ATF7IP2: variants seen among roughly 807,000 people sequenced by gnomAD.
The protein encoded by ATF7IP2 is activating transcription factor 7-interacting protein 2.
ATF7IP2 carries 42 observed loss-of-function variants against 64.2 expected under a neutral mutation model. The observed-to-expected ratio is 0.65, with a 90% CI of 0.51 to 0.85. The LOEUF is 0.85. Ranked by LOEUF, ATF7IP2 falls within the 40% of genes least tolerant of loss-of-function variation. The pLI is 0.00. For synonymous variants in ATF7IP2, 308 were observed against 272.8 expected (o/e 1.13, Z -1.27); for missense variants, 933 against 784.2 (o/e 1.19, Z -2.27).
In ATF7IP2 at chr16:10,473,521, A is replaced by T; in HGVS notation, c.1469A>T (p.Asn490Ile). 1 of 1,570,140 alleles carries T rather than the reference A, an allele frequency of 6.4e-7. No homozygotes were observed. The highest frequency in any genetic ancestry group is 1.1e-5 in the South Asian group (1 of 87,856). Residue 490 changes from asparagine (N) to isoleucine (I), a missense_variant, in exon 11 of 14, where the codon AAT becomes ATT. Transcript: ENST00000562102. ...TCAGGAAATTCTAGCAATTCTCCCAATGCTGAAGTTATGGTGAGTAATAAA... is the reference window on the plus strand; with the variant it reads ...TCAGGAAATTCTAGCAATTCTCCCATTGCTGAAGTTATGGTGAGTAATAAA... ...ITSGNSSNSP[N>I]AEVMAVQKKL...
At chr16:10,408,199 C>T (rs1197013416) in intron 1 of ATF7IP2, among the ~76,000 whole-genome samples, 1 of 152,148 alleles carries the variant, frequency 6.6e-6, no homozygotes, top group Non-Finnish European at 1.5e-5. Flanking sequence ...TGTGAGCCAC[C>T]ATGCCCAGCT....
In ATF7IP2 at chr16:10,387,963, C is replaced by T. The variant is rs145530431; in HGVS notation, c.-242+1841C>T. ...TTTGGCTCAGGCTGGAGTGAAGTGGCGCGATCTCGGCTCACTGCAACCTCC... is the reference window on the plus strand; with the variant it reads ...TTTGGCTCAGGCTGGAGTGAAGTGGTGCGATCTCGGCTCACTGCAACCTCC... On this transcript the variant is annotated intron_variant, in intron 1 of 13. Coordinates refer to ENST00000562102, the MANE Select transcript of ATF7IP2 (RefSeq NM_001393719.1). Among the ~76,000 whole-genome samples, 148 of 151,936 alleles carry T rather than the reference C, an allele frequency of 9.7e-4. 3 individuals carry two copies. The highest frequency in any genetic ancestry group is 2.0e-3 in the Admixed American group (31 of 15,242).
chr16:10,479,286 T>A (rs1319351499), intron 12 of ATF7IP2, among the ~76,000 whole-genome samples: 1 of 150,648 alleles, frequency 6.6e-6, no homozygotes, highest in Non-Finnish European at 1.5e-5. Context: ...ATTAAGAAAA[T>A]GTGGCACATA....
In ATF7IP2 at chr16:10,431,203, G is replaced by C. The variant is rs779317235; in HGVS notation, c.583G>C (p.Asp195His). ...VTSTVGDKKT[D>H]QMVFHLETNS... is the part of the protein sequence containing the mutation. ...CAGTACCGTGGGTGACAAGAAAACT[G>C]ACCAGATGGTTTTCCATTTAGAAAC... The change falls in exon 5 of 14, where the codon GAC (aspartate) becomes CAC (histidine). Residue 195 changes from aspartate (D) to histidine (H), a missense_variant. Transcript: ENST00000562102. The C allele has an allele frequency of 3.0e-5, 48 of 1,614,058 alleles. No individual in the cohort carries two copies. The highest frequency in any genetic ancestry group is 4.0e-5 in the African/African-American group (3 of 74,934).
intron 9 of ATF7IP2, among the ~76,000 whole-genome samples, chr16:10,461,200 T>C (rs537430637): frequency 6.6e-6 from 1 of 152,222 alleles, no homozygotes; most frequent in Non-Finnish European, 1.5e-5. Flanking sequence ...TACTGGGTAT[T>C]GGTGAAGTTT....
chr16:10,435,403 A>G (rs1035094335), intron 6 of ATF7IP2, among the ~76,000 whole-genome samples: 6 of 152,198 alleles, frequency 3.9e-5, no homozygotes, highest in African/African-American at 1.4e-4. Flanking sequence ...ATAAGTTTGT[A>G]CTTTCTCCAA....
intron 12 of ATF7IP2, among the ~76,000 whole-genome samples, chr16:10,477,182 CA>C (rs1248853839): frequency 6.6e-6 from 1 of 152,166 alleles, no homozygotes; most frequent in Non-Finnish European, 1.5e-5. Context: ...AAAATTTTTG[CA>C]ATCTGTCTAA....
At chr16:10,460,145 C>A (rs1005950391) in intron 9 of ATF7IP2, among the ~76,000 whole-genome samples, 1 of 151,858 alleles carries the variant, frequency 6.6e-6, no homozygotes, top group African/African-American at 2.4e-5. Flanking sequence ...TAGAAACAAT[C>A]AGGAAATAAA....
chr16:10,467,798 C>G (rs2049633488), intron 9 of ATF7IP2, among the ~76,000 whole-genome samples: 1 of 151,940 alleles, frequency 6.6e-6, no homozygotes, highest in Admixed American at 6.6e-5. Flanking sequence ...GGTGATCCAC[C>G]CGCCTCGGCC....
Position 10,431,178 on chromosome 16 carries a change from C to T in ATF7IP2, c.558C>T (p.Thr186=). 2 of 1,614,178 alleles carry T rather than the reference C, an allele frequency of 1.2e-6. No homozygotes were observed. Among genetic ancestry groups the T allele is most frequent in the Non-Finnish European group, 1.7e-6 (2 of 1,180,026 alleles). The change falls in exon 5 of 14, where the codon ACC becomes ACT. Residue 186 remains threonine (T), a synonymous_variant. Coordinates refer to ENST00000562102, the MANE Select transcript of ATF7IP2 (RefSeq NM_001393719.1). ...GVVQMPESTV[T]STVGDKKTDQ... The stretch of plus-strand genomic sequence containing the variant: ...TTCAGATGCCAGAGTCTACAGTAAC[C>T]AGTACCGTGGGTGACAAGAAAACTG...
chr16:10,429,783 T>C (rs2048184742), intron 4 of ATF7IP2, among the ~76,000 whole-genome samples: 1 of 147,438 alleles, frequency 6.8e-6, no homozygotes, highest in Non-Finnish European at 1.5e-5. Context: ...TTTAATTTAA[T>C]TTAATTTTTA....
chr16:10,386,208 C>G (rs1288930220), intron 1 of ATF7IP2, 86 bp downstream of exon 1: 1 of 152,242 alleles, frequency 6.6e-6, no homozygotes, highest in Non-Finnish European at 1.5e-5. Flanking sequence ...CTCTGAGGGC[C>G]GGCCCCGGAG....
rs1407546903 is a variant in ATF7IP2, at chr16:10,430,670, C to T, written c.50C>T (p.Thr17Ile). The T allele has an allele frequency of 1.2e-6, 2 of 1,614,020 alleles. No individual in the cohort carries two copies. Among genetic ancestry groups the T allele is most frequent in the South Asian group, 1.1e-5 (1 of 91,050 alleles). Residue 17 changes from threonine to isoleucine, a missense_variant, in exon 5 of 14, where the codon ACA (threonine) becomes ATA (isoleucine). Coordinates refer to ENST00000562102, the MANE Select transcript of ATF7IP2 (RefSeq NM_001393719.1). ...SKRKILKAKK[T>I]MPLSCRKQVE... ...CGGAAGATATTAAAAGCCAAAAAGACAATGCCCCTAAGTTGCCGGAAGCAA... is the reference window on the plus strand; with the variant it reads ...CGGAAGATATTAAAAGCCAAAAAGATAATGCCCCTAAGTTGCCGGAAGCAA...
chr16:10,389,847 T>A (rs1481555597), intron 1 of ATF7IP2, among the ~76,000 whole-genome samples: 1 of 152,246 alleles, frequency 6.6e-6, no homozygotes, highest in African/African-American at 2.4e-5. Context: ...CACTTGGCAT[T>A]ACTTCATGGT....
At chr16:10,462,322 CT>C (rs2049401221) in intron 9 of ATF7IP2, among the ~76,000 whole-genome samples, 1 of 151,930 alleles carries the variant, frequency 6.6e-6, no homozygotes, top group East Asian at 1.9e-4. Flanking sequence ...GTAGTTTCAT[CT>C]TTCCATCTGG....
chr16:10,432,311 G>A (rs188781872), intron 5 of ATF7IP2, among the ~76,000 whole-genome samples: 4 of 151,850 alleles, frequency 2.6e-5, no homozygotes, highest in African/African-American at 2.4e-5. Flanking sequence ...TTTGAAGTAG[G>A]GTATTTTGTT....
intron 5 of ATF7IP2, among the ~76,000 whole-genome samples, chr16:10,432,092 C>T (rs898318059): frequency 6.6e-6 from 1 of 151,554 alleles, no homozygotes; most frequent in Non-Finnish European, 1.5e-5. Context: ...CCGCCTTGGC[C>T]TCCCAAAGTG....
chr16:10,440,818 G>C (rs112724736), intron 8 of ATF7IP2, among the ~76,000 whole-genome samples: 1 of 152,090 alleles, frequency 6.6e-6, no homozygotes, highest in Non-Finnish European at 1.5e-5. Context: ...CATTACATAG[G>C]TATACACGTG....
In ATF7IP2 at chr16:10,431,134, A is replaced by T; in HGVS notation, c.514A>T (p.Ser172Cys). 6.2e-7 allele frequency: 1 copy of T among 1,614,174 alleles called. No homozygotes were observed. The highest frequency in any genetic ancestry group is 1.1e-5 in the South Asian group (1 of 91,080). The change falls in exon 5 of 14, where the codon AGT (serine) becomes TGT (cysteine). Residue 172 changes from serine to cysteine, a missense_variant. Physicochemically the swap from Ser to Cys is moderately radical, Grantham distance 112. Transcript: ENST00000562102. ...TCTAAAGTCCAGTTGCTGTCCACCC[A>T]GTGTATTGAGTGGTGTTGTTCAGAT... ...CSLKSSCCPP[S>C]VLSGVVQMPE...
Sources: gnomAD v4.1 joint callset for allele counts (sites outside exome capture counted in the v4.1 genomes callset) on GRCh38, gnomAD v4.1.1 for gene constraint, MANE v1.5 for transcripts, NCBI Gene and HGNC (gene_info 2026-07-23, HGNC 2026-07-21) for gene names.